RAP2A: variants seen among roughly 807,000 people sequenced by gnomAD.
RAP2A encodes ras-related protein Rap-2a.
Under a neutral mutation model 15.1 loss-of-function variants are expected in RAP2A, and 5 were observed. The ratio of observed to expected loss-of-function variants is 0.33; its 90% CI spans 0.17 to 0.70. RAP2A has a LOEUF of 0.70. Among genes scored for constraint, RAP2A ranks in the 30% least tolerant of loss-of-function variants. The pLI, the probability that RAP2A is intolerant of heterozygous loss-of-function variation, is 0.68. For missense variants in RAP2A, 111 were observed against 240.3 expected, an observed-to-expected ratio of 0.46 and a Z score of 3.56; for synonymous variants, 110 against 99.7, an observed-to-expected ratio of 1.10 and a Z score of -0.62.
rs370458895 is a variant in RAP2A at position 97,465,994 on chromosome 13, TGA to T, written c.*1557_*1558del. The T allele has an allele frequency of 1.7e-4, 26 of 152,304 alleles. No individual in the cohort carries two copies. The East Asian group carries it at 4.0e-3, about 24-fold the overall frequency. 9.4% of individuals were successfully genotyped at this position (152,304 alleles called of 1,614,324 possible). On this transcript the variant is annotated 3_prime_UTR_variant, in exon 2 of 2. Transcript: ENST00000245304. ...TAACCTCTGGTCTTACGTGTGTAACTGAGAGAAGAGTGTGTGTTTGTGTGTGC... is the reference window on the plus strand; with the variant it reads ...TAACCTCTGGTCTTACGTGTGTAACTGAGAAGAGTGTGTGTTTGTGTGTGC...
At chr13:97,436,459 C>T (rs937619281) in intron 1 of RAP2A, among the ~76,000 whole-genome samples, 1 of 152,102 alleles carries the variant, frequency 6.6e-6, no homozygotes, top group African/African-American at 2.4e-5. Context: ...GCCCCAACAG[C>T]CTCACCCTTC....
At chr13:97,456,781 C>G (rs115949904) in intron 1 of RAP2A, among the ~76,000 whole-genome samples, 1 of 148,160 alleles carries the variant, frequency 6.7e-6, no homozygotes, top group Non-Finnish European at 1.5e-5. Context: ...CTGAAACCAA[C>G]AGGACATCAG....
At chr13:97,453,033 TTTTG>T (rs751986879) in intron 1 of RAP2A, among the ~76,000 whole-genome samples, 2 of 151,410 alleles carry the variant, frequency 1.3e-5, no homozygotes, top group African/African-American at 4.9e-5. Flanking sequence ...TGTTTATAGT[TTTTG>T]TTTGTGTCTT....
intron 1 of RAP2A, chr13:97,441,808 T>C (rs1445165153): frequency 2.2e-6 from 1 of 445,776 alleles, no homozygotes; most frequent in Admixed American, 2.4e-5. Context: ...CTAAGTTTTT[T>C]TGGAGTAATA....
rs1404625658 is a variant in RAP2A at position 97,468,792 on chromosome 13, T to C, written c.*4350T>C. 1.3e-5 allele frequency: 2 copies of C among 152,206 alleles called. No homozygotes were observed. The highest frequency in any genetic ancestry group is 2.9e-5 in the Non-Finnish European group (2 of 68,030). 9.4% of individuals were successfully genotyped at this position (152,206 alleles called of 1,614,324 possible). On this transcript the variant is annotated 3_prime_UTR_variant, in exon 2 of 2. Transcript: ENST00000245304. The stretch of plus-strand genomic sequence containing the variant: ...ATTATTTAAATGTATCAATAGTGGA[T>C]AGTTGGAAGAACGTCTTTGAGGCTA...
chr13:97,463,930 A>C (rs975140720), intron 1 of RAP2A, among the ~76,000 whole-genome samples: 2 of 152,338 alleles, frequency 1.3e-5, no homozygotes, highest in Non-Finnish European at 2.9e-5. Context: ...TCTGAGAATA[A>C]TTTTCCAAGT....
At chr13:97,435,585 G>A (rs2066630734) in intron 1 of RAP2A, among the ~76,000 whole-genome samples, 1 of 150,186 alleles carries the variant, frequency 6.7e-6, no homozygotes, top group East Asian at 1.9e-4. Flanking sequence ...ATGTTAATAA[G>A]CCTTTATATA....
At chr13:97,457,571 T>G (rs1471562503) in intron 1 of RAP2A, among the ~76,000 whole-genome samples, 1 of 152,162 alleles carries the variant, frequency 6.6e-6, no homozygotes, top group African/African-American at 2.4e-5. Flanking sequence ...CAGTTATAGA[T>G]TCTATAAAAT....
intron 1 of RAP2A, among the ~76,000 whole-genome samples, chr13:97,463,054 G>A (rs559154745): frequency 2.0e-5 from 3 of 152,078 alleles, no homozygotes; most frequent in African/African-American, 4.8e-5. Context: ...ACTTTTGTGC[G>A]ATCTTGCTGT....
chr13:97,435,361 GAAT>G (rs1555326009), intron 1 of RAP2A, among the ~76,000 whole-genome samples: 1 of 148,764 alleles, frequency 6.7e-6, no homozygotes, highest in Non-Finnish European at 1.5e-5. Context: ...GGGGTTTCGA[GAAT>G]ATTAACAGAG....
intron 1 of RAP2A, among the ~76,000 whole-genome samples, chr13:97,458,813 C>A (rs990669782): frequency 6.6e-6 from 1 of 151,608 alleles, no homozygotes; most frequent in Non-Finnish European, 1.5e-5. Context: ...ACATCAAGTT[C>A]TTTTGAGTTA....
In RAP2A at chr13:97,455,242, A is replaced by G. The variant is rs903764294; in HGVS notation, c.315-8963A>G. 4.7e-4 allele frequency among the ~76,000 whole-genome samples: 71 copies of G among 150,976 alleles called. 1 individual carries two copies. Among genetic ancestry groups the G allele is most frequent in the African/African-American group, 1.5e-3 (62 of 40,890 alleles). On this transcript the variant is annotated intron_variant, in intron 1 of 1. Transcript: ENST00000245304. Reference sequence around the variant, plus strand: ...AGATATTACAGTTTTCAGTTCTAAAATTTTCATGTGGTTTATTGTATTTTA... The same window carrying G: ...AGATATTACAGTTTTCAGTTCTAAAGTTTTCATGTGGTTTATTGTATTTTA...
At chr13:97,449,845 A>G (rs1378946487) in intron 1 of RAP2A, among the ~76,000 whole-genome samples, 1 of 152,208 alleles carries the variant, frequency 6.6e-6, no homozygotes. Context: ...GCCATGAATA[A>G]TGAAGGTACT....
intron 1 of RAP2A, among the ~76,000 whole-genome samples, chr13:97,440,491 AAT>A (rs918053005): frequency 8.5e-5 from 13 of 152,332 alleles, no homozygotes; most frequent in African/African-American, 2.2e-4. Context: ...TGAAACAAAC[AAT>A]ATAACTAGTA....
intron 1 of RAP2A, among the ~76,000 whole-genome samples, chr13:97,449,965 G>T (rs576152323): frequency 2.1e-4 from 31 of 144,358 alleles, no homozygotes; most frequent in South Asian, 1.5e-3. Flanking sequence ...AGTGTTTGGG[G>T]TTTTTTTTTT....
chr13:97,434,908 A>G (rs1343807559), intron 1 of RAP2A, 124 bp downstream of exon 1: 1 of 1,346,584 alleles, frequency 7.4e-7, no homozygotes, highest in East Asian at 2.5e-5. Context: ...TGGAGGCTTT[A>G]CTATTGTCAT....
intron 1 of RAP2A, chr13:97,436,043 G>C (rs2066632734): frequency 6.6e-6 from 1 of 152,050 alleles, no homozygotes; most frequent in Admixed American, 6.6e-5. Flanking sequence ...CAAAGAGAAG[G>C]CTCTCTCTCT....
At chr13:97,449,967 T>G (rs1285718768) in intron 1 of RAP2A, among the ~76,000 whole-genome samples, 1 of 144,010 alleles carries the variant, frequency 6.9e-6, no homozygotes. Flanking sequence ...TGTTTGGGGT[T>G]TTTTTTTTTT....
intron 1 of RAP2A, among the ~76,000 whole-genome samples, chr13:97,459,757 C>T (rs2066738740): frequency 6.6e-6 from 1 of 152,234 alleles, no homozygotes; most frequent in Non-Finnish European, 1.5e-5. Flanking sequence ...ACCACCTGAT[C>T]CACATCTTTT....
Sources: allele counts gnomAD v4.1 joint callset (sites outside exome capture counted in the v4.1 genomes callset), GRCh38; gene constraint gnomAD v4.1.1; transcripts MANE v1.5; gene names NCBI Gene and HGNC (gene_info 2026-07-23, HGNC 2026-07-21).